RORB: variants seen among roughly 807,000 people sequenced by gnomAD.
The protein encoded by RORB is nuclear receptor ROR-beta.
RORB carries 6 observed loss-of-function variants against 59.1 expected under a neutral mutation model. That is an observed-to-expected ratio of 0.10 (90% CI 0.06 to 0.20). RORB has a LOEUF of 0.20. Among genes scored for constraint, RORB ranks in the 10% least tolerant of loss-of-function variants. The probability of loss-of-function intolerance (pLI) is 1.00; values close to 1 mark genes in which losing one functional copy is unlikely to be tolerated. For missense variants in RORB, 320 were observed against 560.5 expected (o/e 0.57, Z 4.33); for synonymous variants, 215 against 204.5 (o/e 1.05, Z -0.44).
rs189471687 is a variant in RORB, at chr9:74,578,370, C to T, written c.8-51912C>T. ...GAGCATTATGAAGATCCAAACTGAA[C>T]ATCTTTCTAGAGATGGTCCTATTGC... On this transcript the variant is annotated intron_variant, in intron 1 of 9. Coordinates refer to ENST00000376896, the MANE Select transcript of RORB (RefSeq NM_006914.4). Among the ~76,000 whole-genome samples, 4 of 152,188 alleles carry T rather than the reference C, an allele frequency of 2.6e-5. No individual in the cohort carries two copies. In the East Asian group the frequency reaches 5.8e-4, roughly 22 times the overall value.
At chr9:74,642,257 A>G (rs915519279) in intron 3 of RORB, among the ~76,000 whole-genome samples, 157 bp from the exon 4 acceptor site, 1 of 152,174 alleles carries the variant, frequency 6.6e-6, no homozygotes, top group African/African-American at 2.4e-5. Context: ...ACCTTTCCCC[A>G]GATGTGGAGT....
At chr9:74,653,021 G>A (rs1422286176) in intron 4 of RORB, among the ~76,000 whole-genome samples, 2 of 152,124 alleles carry the variant, frequency 1.3e-5, no homozygotes. Context: ...AAATCAGAAA[G>A]GTCTTTAAAT....
Position 74,665,615 on chromosome 9 carries a change from G to T in RORB, c.1000+20G>T, listed in dbSNP as rs376306632. 46 of 1,473,076 alleles carry T rather than the reference G, an allele frequency of 3.1e-5. No individual in the cohort carries two copies. Among genetic ancestry groups the T allele is most frequent in the Non-Finnish European group, 4.0e-5 (42 of 1,055,366 alleles). The allele number at this position is 1,473,076 out of a possible 1,614,324, so 91.3% of individuals were successfully genotyped here. A position where few individuals can be genotyped will look rare whatever the true frequency, so the allele number is the denominator to read the frequency against. On this transcript the variant is annotated intron_variant, in intron 7 of 9. Coordinates refer to ENST00000376896, the MANE Select transcript of RORB (RefSeq NM_006914.4). The stretch of plus-strand genomic sequence containing the variant: ...CCTTAGGTAAGTTTCCCTTTGATGA[G>T]GACACAATTTTATTAGCCACCATCA...
rs1013175692 is a variant in RORB, at chr9:74,497,693, G to A, written c.-284G>A. 2 of 497,104 alleles carry A rather than the reference G, an allele frequency of 4.0e-6. No individual in the cohort carries two copies. The highest frequency in any genetic ancestry group is 7.2e-6 in the Non-Finnish European group (2 of 279,426). The allele number at this position is 497,104 out of a possible 1,614,324, so 30.8% of individuals were successfully genotyped here. A position where few individuals can be genotyped will look rare whatever the true frequency, so the allele number is the denominator to read the frequency against. ...AAAACAAAACCAAAACAAAACCCAGGCACCAGACAGCCAGAACATTTTTTT... is the reference window on the plus strand; with the variant it reads ...AAAACAAAACCAAAACAAAACCCAGACACCAGACAGCCAGAACATTTTTTT... On this transcript the variant is annotated 5_prime_UTR_variant, in exon 1 of 10. Transcript: ENST00000376896.
At chr9:74,678,936 G>A (rs1166038214) in intron 9 of RORB, among the ~76,000 whole-genome samples, 1 of 151,724 alleles carries the variant, frequency 6.6e-6, no homozygotes, top group Non-Finnish European at 1.5e-5. Flanking sequence ...GGAGGCTAAG[G>A]CAGGAGAATC....
intron 9 of RORB, among the ~76,000 whole-genome samples, chr9:74,683,968 A>C (rs1824592162): frequency 6.6e-6 from 1 of 152,332 alleles, no homozygotes. Flanking sequence ...TTGGAGGTAA[A>C]GTTTTGATTC....
intron 1 of RORB, among the ~76,000 whole-genome samples, chr9:74,545,918 A>G (rs1311814842): frequency 6.6e-6 from 1 of 152,190 alleles, no homozygotes; most frequent in Non-Finnish European, 1.5e-5. Flanking sequence ...ATTTTGTTTC[A>G]AACATAGCCA....
chr9:74,663,177 G>A (rs1375266960), intron 6 of RORB, among the ~76,000 whole-genome samples: 1 of 152,114 alleles, frequency 6.6e-6, no homozygotes, highest in East Asian at 1.9e-4. Context: ...ACAGGAAAAA[G>A]AAATTATTTG....
At chr9:74,630,880 C>T (rs536435705) in intron 2 of RORB, among the ~76,000 whole-genome samples, 2 of 151,686 alleles carry the variant, frequency 1.3e-5, no homozygotes, top group Non-Finnish European at 1.5e-5. Flanking sequence ...TGTTAGAAGC[C>T]GAAAAGATTA....
chr9:74,530,508 A>G (rs1826221637), intron 1 of RORB, among the ~76,000 whole-genome samples: 1 of 151,976 alleles, frequency 6.6e-6, no homozygotes, highest in Non-Finnish European at 1.5e-5. Flanking sequence ...TAGAGGAAAA[A>G]TTGTCACGCT....
In RORB at chr9:74,690,255, C is replaced by G. The variant is rs1824718726; in HGVS notation, c.*4637C>G. ...GGTCTTTCAAAAAAAAGCTGACACTCTATTCATTTTTGGGTCTCAGGACCA... is the reference window on the plus strand; with the variant it reads ...GGTCTTTCAAAAAAAAGCTGACACTGTATTCATTTTTGGGTCTCAGGACCA... On this transcript the variant is annotated 3_prime_UTR_variant, in exon 10 of 10. Coordinates refer to ENST00000376896, the MANE Select transcript of RORB (RefSeq NM_006914.4). 1 of 152,166 alleles carries G rather than the reference C, an allele frequency of 6.6e-6. No homozygotes were observed. Among genetic ancestry groups the G allele is most frequent in the Non-Finnish European group, 1.5e-5 (1 of 68,056 alleles). 9.4% of individuals were successfully genotyped at this position (152,166 alleles called of 1,614,324 possible).
At chr9:74,629,074 T>A (rs2118410627) in intron 1 of RORB, among the ~76,000 whole-genome samples, 1 of 152,236 alleles carries the variant, frequency 6.6e-6, no homozygotes, top group African/African-American at 2.4e-5. Context: ...GGAGTCACCT[T>A]TGACTCTTCG....
chr9:74,601,135 C>T (rs1221005749), intron 1 of RORB, among the ~76,000 whole-genome samples: 1 of 151,958 alleles, frequency 6.6e-6, no homozygotes, highest in Non-Finnish European at 1.5e-5. Flanking sequence ...AATAATTATA[C>T]TCTTTTTCTT....
At chr9:74,572,378 A>G (rs1004067282) in intron 1 of RORB, among the ~76,000 whole-genome samples, 19 of 152,300 alleles carry the variant, frequency 1.2e-4, no homozygotes, top group African/African-American at 4.3e-4. Context: ...AAGCACAGGT[A>G]TGAAGTCTTT....
chr9:74,571,936 C>G lies in RORB; in HGVS notation c.8-58346C>G, dbSNP rs574465442. Among the ~76,000 whole-genome samples the G allele has an allele frequency of 2.0e-5, 3 of 152,234 alleles. No individual in the cohort carries two copies. The South Asian group carries it at 6.2e-4, about 32-fold the overall frequency. ...CCAGTCGGTGCACATCTCTGCACCT[C>G]CCCCGCCCTCCTGAGGCTCTTACCT... On this transcript the variant is annotated intron_variant, in intron 1 of 9. Transcript: ENST00000376896.
At chr9:74,577,453 A>G (rs1323358) in intron 1 of RORB, among the ~76,000 whole-genome samples, 145,867 of 152,166 alleles carry the variant, frequency 0.96, 70,227 homozygotes, top group Non-Finnish European at 1. Flanking sequence ...ACTGTCAGGC[A>G]TCACAGTACA....
intron 9 of RORB, among the ~76,000 whole-genome samples, chr9:74,683,532 C>T (rs182159802): frequency 6.6e-6 from 1 of 152,118 alleles, no homozygotes; most frequent in East Asian, 1.9e-4. Flanking sequence ...CTGGCATTAC[C>T]TCACCCACTG....
chr9:74,533,980 G>C (rs1156830988), intron 1 of RORB, among the ~76,000 whole-genome samples: 1 of 151,994 alleles, frequency 6.6e-6, no homozygotes, highest in Non-Finnish European at 1.5e-5. Context: ...CCAAATAGTG[G>C]ATGGCCACTG....
intron 3 of RORB, among the ~76,000 whole-genome samples, chr9:74,636,434 G>A (rs1823704116): frequency 6.6e-6 from 1 of 152,126 alleles, no homozygotes; most frequent in African/African-American, 2.4e-5. Flanking sequence ...ATGAATATAT[G>A]ATCCAAGGCA....
Sources: allele counts gnomAD v4.1 joint callset (sites outside exome capture counted in the v4.1 genomes callset), GRCh38; gene constraint gnomAD v4.1.1; transcripts MANE v1.5; gene names NCBI Gene and HGNC (gene_info 2026-07-23, HGNC 2026-07-21).